TNIP1: variants seen among roughly 807,000 people sequenced by gnomAD.
TNIP1 encodes the protein TNFAIP3-interacting protein 1.
A neutral mutation model predicts 86.6 loss-of-function variants in TNIP1; 22 were observed. The ratio of observed to expected loss-of-function variants is 0.25; its 90% CI spans 0.18 to 0.36. TNIP1 has a LOEUF of 0.36. TNIP1 is among the 10% of genes least tolerant of loss of function. TNIP1 has a pLI of 1.00. For missense variants in TNIP1, 709 were observed against 820.6 expected, an observed-to-expected ratio of 0.86 and a Z score of 1.66; for synonymous variants, 294 against 313.0, an observed-to-expected ratio of 0.94 and a Z score of 0.64.
chr5:151,082,401 AG>A (rs1413986757), upstream of TNIP1, among the ~76,000 whole-genome samples: 1 of 152,208 alleles, frequency 6.6e-6, no homozygotes, highest in Admixed American at 6.5e-5. Flanking sequence ...GGGATCCTAC[AG>A]AGAAACTGGG....
intron 4 of TNIP1, among the ~76,000 whole-genome samples, chr5:151,060,820 G>T (rs1391826116): frequency 1.3e-5 from 2 of 152,232 alleles, no homozygotes; most frequent in Non-Finnish European, 2.9e-5. Flanking sequence ...CAAAAGCAGG[G>T]ATTGAACCCA....
At chr5:151,062,630 C>T (rs188537781) in intron 3 of TNIP1, among the ~76,000 whole-genome samples, 80 of 152,304 alleles carry the variant, frequency 5.3e-4, no homozygotes, top group African/African-American at 1.8e-3. Flanking sequence ...AGCCACATAG[C>T]CAGCAACTGC....
intron 6 of TNIP1, among the ~76,000 whole-genome samples, 187 bp from the exon 7 acceptor site, chr5:151,052,446 G>A (rs1177250265): frequency 1.3e-5 from 2 of 152,172 alleles, no homozygotes; most frequent in Non-Finnish European, 2.9e-5. Context: ...CTCTCCCTTG[G>A]GAGCCAACTA....
intron 1 of TNIP1, among the ~76,000 whole-genome samples, chr5:151,072,554 CCT>C (rs751452958): frequency 7.2e-5 from 11 of 152,224 alleles, no homozygotes; most frequent in Non-Finnish European, 7.3e-5. Context: ...CCTTCTCTCC[CCT>C]CTGTGGTCCC....
intron 7 of TNIP1, among the ~76,000 whole-genome samples, chr5:151,051,447 G>A (rs1334632581): frequency 6.6e-6 from 1 of 152,164 alleles, no homozygotes; most frequent in Non-Finnish European, 1.5e-5. Context: ...TCACAGGATG[G>A]AGAGCAAGGA....
At chr5:151,041,453 T>G (rs1051342945) in intron 11 of TNIP1, among the ~76,000 whole-genome samples, 2 of 152,186 alleles carry the variant, frequency 1.3e-5, no homozygotes, top group African/African-American at 4.8e-5. Context: ...TCACTGAAGC[T>G]TCCAACTCCT....
At chr5:151,086,656 C>T (rs1764291479) in intron 1 of TNIP1, among the ~76,000 whole-genome samples, 1 of 152,206 alleles carries the variant, frequency 6.6e-6, no homozygotes. Flanking sequence ...CTTCAGGGAT[C>T]TGACACAACA....
intron 5 of TNIP1, among the ~76,000 whole-genome samples, chr5:151,059,806 A>G (rs1354450839): frequency 8.9e-6 from 1 of 112,000 alleles, no homozygotes; most frequent in African/African-American, 4.4e-5. Flanking sequence ...AGAGAGAGAG[A>G]GAGAGAGAGA....
chr5:151,065,626 G>A (rs1762135399), intron 1 of TNIP1, among the ~76,000 whole-genome samples: 1 of 152,130 alleles, frequency 6.6e-6, no homozygotes, highest in Non-Finnish European at 1.5e-5. Flanking sequence ...CCTCTCTGAG[G>A]GAGGGAAATG....
At chr5:151,061,454 C>T (rs924312608) in intron 4 of TNIP1, among the ~76,000 whole-genome samples, 1 of 151,714 alleles carries the variant, frequency 6.6e-6, no homozygotes, top group African/African-American at 2.4e-5. Context: ...GGATACCAAG[C>T]AAAACTTCTC....
At chr5:151,046,009 T>A in intron 8 of TNIP1, 59 bp from the exon 9 acceptor site, 1 of 1,548,068 alleles carries the variant, frequency 6.5e-7, no homozygotes, top group South Asian at 1.1e-5. Context: ...TCTCACCCAG[T>A]CTCGGTGCTC....
intron 1 of TNIP1, among the ~76,000 whole-genome samples, chr5:151,069,874 G>A (rs914009045): frequency 3.3e-5 from 5 of 152,180 alleles, no homozygotes; most frequent in Non-Finnish European, 7.4e-5. Context: ...GCTGGCCTCA[G>A]GATCAAGAAG....
chr5:151,038,971 G>C, intron 12 of TNIP1, 126 bp downstream of exon 12: 3 of 1,315,254 alleles, frequency 2.3e-6, no homozygotes, highest in South Asian at 3.0e-5. Flanking sequence ...GCGGGAAACA[G>C]GATGCCAGCT....
chr5:151,036,661 GC>G, intron 13 of TNIP1, 128 bp downstream of exon 13: 2 of 1,366,578 alleles, frequency 1.5e-6, no homozygotes, highest in South Asian at 1.3e-5. Flanking sequence ...CCAGTGGGGG[GC>G]CCTGGCCAAT....
intron 8 of TNIP1, among the ~76,000 whole-genome samples, chr5:151,047,901 C>T (rs1759385826): frequency 6.6e-6 from 1 of 152,202 alleles, no homozygotes; most frequent in South Asian, 2.1e-4. Context: ...TGTCTGCCAT[C>T]ATCCTGGAGT....
chr5:151,086,283 C>T (rs1307021955), intron 1 of TNIP1, among the ~76,000 whole-genome samples: 1 of 152,108 alleles, frequency 6.6e-6, no homozygotes, highest in Non-Finnish European at 1.5e-5. Context: ...AATTTTAGTC[C>T]AGATTTTCTA....
chr5:151,041,630 G>T (rs927279912), intron 11 of TNIP1, among the ~76,000 whole-genome samples: 2 of 152,206 alleles, frequency 1.3e-5, no homozygotes, highest in Admixed American at 6.5e-5. Context: ...GCATCCCAAA[G>T]TGCCAGGATC....
intron 1 of TNIP1, among the ~76,000 whole-genome samples, chr5:151,067,227 G>C (rs1334856718): frequency 1.3e-5 from 2 of 152,220 alleles, no homozygotes; most frequent in Non-Finnish European, 2.9e-5. Flanking sequence ...AACAGTGTGG[G>C]GGCTGCACTT....
chr5:151,078,991 GC>G (rs1339655284), intron 1 of TNIP1, among the ~76,000 whole-genome samples: 1 of 152,158 alleles, frequency 6.6e-6, no homozygotes, highest in African/African-American at 2.4e-5. Flanking sequence ...GCTTCCTGGG[GC>G]CCCGAAAAAA....
Sources: allele counts gnomAD v4.1 joint callset (sites outside exome capture counted in the v4.1 genomes callset), GRCh38; gene constraint gnomAD v4.1.1; transcripts MANE v1.5; gene names NCBI Gene and HGNC (gene_info 2026-07-23, HGNC 2026-07-21).